NIN: variants seen among roughly 807,000 people sequenced by gnomAD.
NIN encodes glycogen synthase kinase 3 beta-interacting protein.
NIN carries 137 observed loss-of-function variants against 257.6 expected under a neutral mutation model. The observed-to-expected ratio is 0.53, with a 90% CI of 0.46 to 0.61. The LOEUF (loss-of-function observed/expected upper bound fraction) is 0.61, where lower values mean the gene tolerates loss of function less well. NIN is among the 20% of genes least tolerant of loss of function. NIN has a pLI of 0.00. For missense variants in NIN, 2,439 were observed against 2,501.2 expected, an observed-to-expected ratio of 0.98 and a Z score of 0.53; for synonymous variants, 918 against 919.8, an observed-to-expected ratio of 1.00 and a Z score of 0.04.
At chr14:50,799,662 G>A (rs898565802) in intron 4 of NIN, among the ~76,000 whole-genome samples, 7 of 152,114 alleles carry the variant, frequency 4.6e-5, no homozygotes, top group African/African-American at 9.7e-5. Flanking sequence ...CTCATGTCCC[G>A]TTTGGAAACC....
At position 50,727,367 on chromosome 14, in the gene NIN, T is replaced by C. The variant is rs537500917; in HGVS notation, c.6079-1301A>G. ...TAAAAGTAGTACCTTTGGTTAAAAATAGTTACAACATATGGAATGAGAAAA... is the reference window on the plus strand; with the variant it reads ...TAAAAGTAGTACCTTTGGTTAAAAACAGTTACAACATATGGAATGAGAAAA... On this transcript the variant is annotated intron_variant, in intron 29 of 30. Transcript: ENST00000530997. The C allele has an allele frequency of 1.0e-5, 10 of 1,004,108 alleles. No homozygotes were observed. In the African/African-American group the frequency reaches 1.5e-4, roughly 15 times the overall value. 62.2% of individuals were successfully genotyped at this position (1,004,108 alleles called of 1,614,324 possible).
In NIN at chr14:50,760,259, T is replaced by C; in HGVS notation, c.1997A>G (p.Glu666Gly). ...QRHENETHTL[E>G]KQISDLKNEI... ...ATTTTTAAGGTCACTTATTTGTTTTTCTAAGGTGTGCGTTTCGTTCTCATG... is the reference window on the plus strand; with the variant it reads ...ATTTTTAAGGTCACTTATTTGTTTTCCTAAGGTGTGCGTTTCGTTCTCATG... The change falls in exon 17 of 31, where the codon GAA becomes GGA. Residue 666 changes from glutamate (E) to glycine (G), a missense_variant. Around this residue, in one of 3 missense-constraint regions of NIN, gnomAD observed 2,043 missense variants for 2,050.2 expected, o/e 1.00. Coordinates refer to ENST00000530997, the MANE Select transcript of NIN (RefSeq NM_020921.4). 2 of 1,611,870 alleles carry C rather than the reference T, an allele frequency of 1.2e-6. No individual in the cohort carries two copies. Among genetic ancestry groups the C allele is most frequent in the African/African-American group, 1.3e-5 (1 of 75,028 alleles).
chr14:50,790,581 C>A lies in NIN; in HGVS notation c.435+2131G>T, dbSNP rs748146350. ...GAAGTTGAGTCAGTTGGAGTCCTCG[C>A]TGAGAACAGAAATCCAGAGAAATGA... On this transcript the variant is annotated intron_variant, in intron 5 of 30. Coordinates refer to ENST00000530997, the MANE Select transcript of NIN (RefSeq NM_020921.4). Among the ~76,000 whole-genome samples the A allele has an allele frequency of 3.9e-5, 6 of 152,246 alleles. No individual in the cohort carries two copies. The East Asian group carries it at 1.2e-3, about 29-fold the overall frequency.
chr14:50,741,230 AAACTC>A (rs1406822358), intron 25 of NIN, among the ~76,000 whole-genome samples: 1 of 152,182 alleles, frequency 6.6e-6, no homozygotes, highest in East Asian at 1.9e-4. Context: ...TGTTATTACA[AAACTC>A]AACTCAGCCA....
chr14:50,767,010 C>G lies in NIN; in HGVS notation c.1435-120G>C, dbSNP rs8007626. The stretch of plus-strand genomic sequence containing the variant: ...TAAAGATGTTTATCTATCTTAAAAG[C>G]TGTAGTAGACTACAGGAGGCAAAAG... On this transcript the variant is annotated intron_variant, in intron 12 of 30. Coordinates refer to ENST00000530997, the MANE Select transcript of NIN (RefSeq NM_020921.4). 3,796 of 670,088 alleles carry G rather than the reference C, an allele frequency of 5.7e-3. 9 individuals carry two copies. The highest frequency in any genetic ancestry group is 6.9e-3 in the Non-Finnish European group (2,669 of 387,300). The allele number at this position is 670,088 out of a possible 1,614,324, so 41.5% of individuals were successfully genotyped here.
intron 18 of NIN, among the ~76,000 whole-genome samples, chr14:50,755,506 T>A (rs1302416187): frequency 6.6e-6 from 1 of 151,810 alleles, no homozygotes; most frequent in Non-Finnish European, 1.5e-5. Context: ...TAGAAGACTA[T>A]GCAATTATAT....
rs1257376651 is a variant in NIN, at chr14:50,784,888, A to G, written c.436-6084T>C. 7.2e-5 allele frequency among the ~76,000 whole-genome samples: 11 copies of G among 152,194 alleles called. No homozygotes were observed. In the East Asian group the frequency reaches 2.1e-3, roughly 29 times the overall value. ...TGTCCCCTAGGCAGCCACGGCTCGC[A>G]GAGGCTGCCTTGTCCTTCCTCATTA... On this transcript the variant is annotated intron_variant, in intron 5 of 30. Coordinates refer to ENST00000530997, the MANE Select transcript of NIN (RefSeq NM_020921.4).
chr14:50,721,306 T>G lies in NIN; in HGVS notation c.*2157A>C, dbSNP rs1280795690. ...TCCAGAAAGTCATATTTACATTCAT[T>G]GTACATTTTATATACACATAAATAC... On this transcript the variant is annotated 3_prime_UTR_variant, in exon 31 of 31. Transcript: ENST00000530997. 1 of 205,760 alleles carries G rather than the reference T, an allele frequency of 4.9e-6. No individual in the cohort carries two copies. Among genetic ancestry groups the G allele is most frequent in the Admixed American group, 6.0e-5 (1 of 16,786 alleles). The allele number at this position is 205,760 out of a possible 1,614,324, so 12.7% of individuals were successfully genotyped here. A position where few individuals can be genotyped will look rare whatever the true frequency, so the allele number is the denominator to read the frequency against.
At chr14:50,747,410 G>C (rs1043555747) in intron 22 of NIN, among the ~76,000 whole-genome samples, 1 of 152,288 alleles carries the variant, frequency 6.6e-6, no homozygotes, top group African/African-American at 2.4e-5. Flanking sequence ...TTCTTAAACT[G>C]AAGTGGTTGG....
At chr14:50,766,257 G>C (rs370795601) in intron 14 of NIN, 50 bp downstream of exon 14, 12 of 1,437,336 alleles carry the variant, frequency 8.3e-6, no homozygotes, top group Non-Finnish European at 1.2e-5. Flanking sequence ...GGAAGCTGGG[G>C]TCTGAACCCA....
chr14:50,781,987 C>T (rs1010104566), intron 5 of NIN, among the ~76,000 whole-genome samples: 1 of 149,892 alleles, frequency 6.7e-6, no homozygotes, highest in Non-Finnish European at 1.5e-5. Flanking sequence ...AGACAATTCA[C>T]ATAAGAAGCA....
At chr14:50,821,368 C>T (rs2045212891) in intron 3 of NIN, among the ~76,000 whole-genome samples, 1 of 152,222 alleles carries the variant, frequency 6.6e-6, no homozygotes, top group South Asian at 2.1e-4. Context: ...TGGAAGCAAG[C>T]CGTGCTGGGT....
At chr14:50,755,648 CTTTTTTTTTTTTTT>C (rs71118900) in intron 18 of NIN, among the ~76,000 whole-genome samples, 3 of 80,018 alleles carry the variant, frequency 3.7e-5, no homozygotes, top group South Asian at 4.3e-4. Flanking sequence ...TGTTTTGTCT[CTTTTTTTTTTTTTT>C]TTTTTTTTTT....
At position 50,723,420 on chromosome 14, in the gene NIN, A is replaced by G; in HGVS notation, c.*43T>C. ...TGAGAACCTACTGAAATGTTCATCT[A>G]TTTCAGTAAAGTGCACAAATATGAG... On this transcript the variant is annotated 3_prime_UTR_variant, in exon 31 of 31. Coordinates refer to ENST00000530997, the MANE Select transcript of NIN (RefSeq NM_020921.4). The G allele has an allele frequency of 6.5e-7, 1 of 1,545,902 alleles. No individual in the cohort carries two copies. Among genetic ancestry groups the G allele is most frequent in the Non-Finnish European group, 8.9e-7 (1 of 1,122,938 alleles).
At chr14:50,750,022 T>C (rs1165402555) in intron 21 of NIN, among the ~76,000 whole-genome samples, 5 of 152,196 alleles carry the variant, frequency 3.3e-5, no homozygotes, top group African/African-American at 1.2e-4. Flanking sequence ...GTTTATTTCA[T>C]AATTATATTT....
chr14:50,778,739 C>A (rs753153087), intron 6 of NIN, 26 bp downstream of exon 6: 2 of 1,612,890 alleles, frequency 1.2e-6, no homozygotes, highest in African/African-American at 2.7e-5. Flanking sequence ...CCCTTCCAGG[C>A]ACGTCCTGAC....
At chr14:50,759,200 G>A (rs572642703) in intron 17 of NIN, among the ~76,000 whole-genome samples, 21 of 152,310 alleles carry the variant, frequency 1.4e-4, no homozygotes, top group Non-Finnish European at 2.5e-4. Context: ...ATGTAACCTT[G>A]CCTGGAATCC....
At chr14:50,816,872 C>T (rs553105936) in intron 3 of NIN, among the ~76,000 whole-genome samples, 10 of 152,316 alleles carry the variant, frequency 6.6e-5, no homozygotes, top group African/African-American at 1.7e-4. Flanking sequence ...TCTCCCCTCT[C>T]GATCCCTGTC....
At chr14:50,767,260 AAT>A (rs1397928289) in intron 12 of NIN, among the ~76,000 whole-genome samples, 2 of 152,220 alleles carry the variant, frequency 1.3e-5, no homozygotes, top group Non-Finnish European at 2.9e-5. Flanking sequence ...GTATACTGAT[AAT>A]GTGTCAAAAT....
Sources: allele counts gnomAD v4.1 joint callset (sites outside exome capture counted in the v4.1 genomes callset), GRCh38; gene constraint gnomAD v4.1.1; regional missense constraint gnomAD v4.1.1; transcripts MANE v1.5; gene names NCBI Gene and HGNC (gene_info 2026-07-23, HGNC 2026-07-21).